Variants in IMPG1 observed in about 807,000 individuals in gnomAD.
IMPG1 encodes the protein interphotoreceptor matrix proteoglycan of 150 kDa.
In IMPG1, 85 loss-of-function variants were observed where a neutral mutation model predicts 92.0. The observed-to-expected ratio is 0.92, with a 90% confidence interval of 0.78 to 1.11. The LOEUF is 1.11. Among genes scored for constraint, IMPG1 ranks in the 50% least tolerant of loss-of-function variants. IMPG1 has a pLI of 0.00. For synonymous variants in IMPG1, 367 were observed against 334.1 expected, an observed-to-expected ratio of 1.10 and a Z score of -1.08; for missense variants, 1,022 against 956.0, an observed-to-expected ratio of 1.07 and a Z score of -0.91.
chr6:75,940,754 A>G (rs1023522674), intron 14 of IMPG1, among the ~76,000 whole-genome samples: 6 of 152,158 alleles, frequency 3.9e-5, no homozygotes, highest in Non-Finnish European at 7.4e-5. Context: ...AATCTGAGCT[A>G]TCTTCGCTCC....
intron 8 of IMPG1, among the ~76,000 whole-genome samples, chr6:76,008,112 T>C (rs1242448815): frequency 6.6e-6 from 1 of 152,182 alleles, no homozygotes; most frequent in Admixed American, 6.5e-5. Context: ...ACAATTTACA[T>C]GCATTCTCAT....
intron 1 of IMPG1, among the ~76,000 whole-genome samples, chr6:76,062,006 C>G (rs1214297193): frequency 6.6e-6 from 1 of 152,112 alleles, no homozygotes; most frequent in African/African-American, 2.4e-5. Flanking sequence ...TAAAAGAAGC[C>G]TTTTGAAATA....
At chr6:76,066,052 C>A (rs1010447085) in intron 1 of IMPG1, among the ~76,000 whole-genome samples, 1 of 152,034 alleles carries the variant, frequency 6.6e-6, no homozygotes, top group African/African-American at 2.4e-5. Flanking sequence ...CTCTAGACCA[C>A]CCCTATGAGA....
chr6:76,034,327 C>T lies in IMPG1; in HGVS notation c.485G>A (p.Ser162Asn). Residue 162 changes from serine (S) to asparagine (N), a missense_variant, in exon 4 of 17, where the codon AGT becomes AAT. Physicochemically the swap from Ser to Asn is conservative, Grantham distance 46 (BLOSUM62 1). Coordinates refer to ENST00000369950, the MANE Select transcript of IMPG1 (RefSeq NM_001563.4). ...TTTGGGTACTTGCCTGTCAGGGAAACTTCTCTGTTTTATTCTCTGCAAAAA... is the reference window on the plus strand; with the variant it reads ...TTTGGGTACTTGCCTGTCAGGGAAATTTCTCTGTTTTATTCTCTGCAAAAA... Reference protein sequence around the residue: ...DLLQQRIKQRSFPDRKDEISA... With the variant: ...DLLQQRIKQRNFPDRKDEISA... 6.2e-7 allele frequency: 1 copy of T among 1,613,366 alleles called. No homozygotes were observed. The highest frequency in any genetic ancestry group is 8.5e-7 in the Non-Finnish European group (1 of 1,179,360).
chr6:75,957,665 C>T (rs1344038171), intron 12 of IMPG1, among the ~76,000 whole-genome samples: 1 of 152,150 alleles, frequency 6.6e-6, no homozygotes, highest in Non-Finnish European at 1.5e-5. Context: ...ATGTAATGCC[C>T]TGCTTTGGCT....
At chr6:76,036,788 AG>A (rs1265479618) in intron 2 of IMPG1, among the ~76,000 whole-genome samples, 1 of 21,008 alleles carries the variant, frequency 4.8e-5, no homozygotes, top group African/African-American at 1.4e-4. Flanking sequence ...GTAAATATTG[AG>A]TGGCTATGGT....
intron 14 of IMPG1, among the ~76,000 whole-genome samples, chr6:75,944,612 C>T (rs1490780850): frequency 6.6e-6 from 1 of 152,136 alleles, no homozygotes; most frequent in Admixed American, 6.5e-5. Context: ...TATGAGTTTT[C>T]AATGTATATA....
intron 15 of IMPG1, among the ~76,000 whole-genome samples, chr6:75,926,907 A>G (rs919018011): frequency 7.9e-5 from 12 of 152,246 alleles, no homozygotes; most frequent in African/African-American, 2.4e-4. Flanking sequence ...AACTGAAGCA[A>G]TGGAAACTGC....
At position 75,935,067 on chromosome 6, in the gene IMPG1, C is replaced by G. The variant is rs1382004783; in HGVS notation, c.2045-3916G>C. ...GGTCTCTCTTTCGTGGACGTTTTTT[C>G]CAATGCGATGAAACCTAGTTCTCGC... On this transcript the variant is annotated intron_variant, in intron 14 of 16. Coordinates refer to ENST00000369950, the MANE Select transcript of IMPG1 (RefSeq NM_001563.4). 8.5e-6 allele frequency: 4 copies of G among 467,994 alleles called. No homozygotes were observed. The Admixed American group carries it at 9.4e-5, about 11-fold the overall frequency. 29.0% of individuals were successfully genotyped at this position (467,994 alleles called of 1,614,324 possible).
intron 3 of IMPG1, 128 bp downstream of exon 3, chr6:76,034,493 A>C (rs1264466432): frequency 6.5e-6 from 8 of 1,232,686 alleles, no homozygotes; most frequent in Non-Finnish European, 9.3e-6. Context: ...TATTGGCCTA[A>C]TCAGATACCT....
chr6:75,958,926 A>G (rs1414536257), intron 12 of IMPG1, among the ~76,000 whole-genome samples: 2 of 152,014 alleles, frequency 1.3e-5, no homozygotes, highest in Non-Finnish European at 2.9e-5. Flanking sequence ...TGGTGATGAC[A>G]AGTTGCGATC....
chr6:76,034,847 C>T, intron 2 of IMPG1, 60 bp from the exon 3 acceptor site: 1 of 1,426,402 alleles, frequency 7.0e-7, no homozygotes, highest in Non-Finnish European at 9.6e-7. Flanking sequence ...CAATCCCAAG[C>T]AAAGTCTAAT....
chr6:76,008,403 ACT>A (rs1783130913), intron 8 of IMPG1, among the ~76,000 whole-genome samples: 1 of 152,146 alleles, frequency 6.6e-6, no homozygotes, highest in Admixed American at 6.5e-5. Flanking sequence ...TGCCAAAGAC[ACT>A]CTACACATGT....
intron 12 of IMPG1, among the ~76,000 whole-genome samples, chr6:75,964,871 C>A (rs1434511361): frequency 6.6e-6 from 1 of 152,016 alleles, no homozygotes; most frequent in Non-Finnish European, 1.5e-5. Context: ...CTCTACTCTC[C>A]CACCCATACC....
chr6:76,015,403 G>A (rs1181706979), intron 7 of IMPG1, among the ~76,000 whole-genome samples: 3 of 152,260 alleles, frequency 2.0e-5, no homozygotes, highest in African/African-American at 4.8e-5. Flanking sequence ...AATCAGTGAC[G>A]ACTGTGCAAA....
At chr6:76,024,481 T>G (rs1783488507) in intron 5 of IMPG1, among the ~76,000 whole-genome samples, 1 of 152,176 alleles carries the variant, frequency 6.6e-6, no homozygotes, top group Non-Finnish European at 1.5e-5. Flanking sequence ...GAAATGATTT[T>G]CCTCTGCCTT....
At chr6:75,992,366 A>T (rs1210815820) in intron 12 of IMPG1, among the ~76,000 whole-genome samples, 2 of 152,222 alleles carry the variant, frequency 1.3e-5, no homozygotes, top group Non-Finnish European at 2.9e-5. Flanking sequence ...GTTCAACTCC[A>T]GCATGAAAAG....
chr6:76,026,532 A>T (rs1783539229), intron 4 of IMPG1, among the ~76,000 whole-genome samples: 1 of 152,122 alleles, frequency 6.6e-6, no homozygotes, highest in Non-Finnish European at 1.5e-5. Flanking sequence ...TGGGGCTGGG[A>T]CGTATGGTCC....
intron 12 of IMPG1, among the ~76,000 whole-genome samples, chr6:76,000,209 C>T (rs1178001721): frequency 6.6e-6 from 1 of 152,166 alleles, no homozygotes; most frequent in East Asian, 1.9e-4. Flanking sequence ...CTACTGAACT[C>T]TATGATGTTT....
Sources: allele counts gnomAD v4.1 joint callset (sites outside exome capture counted in the v4.1 genomes callset), GRCh38; gene constraint gnomAD v4.1.1; transcripts MANE v1.5; gene names NCBI Gene and HGNC (gene_info 2026-07-23, HGNC 2026-07-21).